The following ZNF667 variants were observed in gnomAD, a reference collection of about 807,000 sequenced individuals.
ZNF667 encodes myocardial ischemic preconditioning upregulated 1 ortholog.
A neutral mutation model predicts 31.8 loss-of-function variants in ZNF667; 13 were observed. The observed-to-expected ratio is 0.41, with a 90% CI of 0.27 to 0.65. The LOEUF (loss-of-function observed/expected upper bound fraction) is 0.65, where lower values mean the gene tolerates loss of function less well. Among genes scored for constraint, ZNF667 ranks in the 30% least tolerant of loss-of-function variants. The pLI is 0.32. For missense variants in ZNF667, 642 were observed against 725.6 expected, an observed-to-expected ratio of 0.88 and a Z score of 1.32; for synonymous variants, 228 against 247.1, an observed-to-expected ratio of 0.92 and a Z score of 0.73.
rs940807111 is a variant in ZNF667 at position 56,460,345 on chromosome 19, C to T, written c.160+344G>A. The stretch of plus-strand genomic sequence containing the variant: ...TTTCATATGTATGAAAGGCCCAGAG[C>T]AGGCACAACCAGAGAGATAGAAAGT... On this transcript the variant is annotated intron_variant, in intron 5 of 6. Transcript: ENST00000504904. Among the ~76,000 whole-genome samples the T allele has an allele frequency of 2.0e-5, 3 of 152,146 alleles. No individual in the cohort carries two copies. The South Asian group carries it at 6.2e-4, about 32-fold the overall frequency.
intron 3 of ZNF667, among the ~76,000 whole-genome samples, chr19:56,471,445 C>T (rs978166801): frequency 1.3e-5 from 2 of 152,174 alleles, no homozygotes; most frequent in Non-Finnish European, 2.9e-5. Flanking sequence ...CCAGCTCCAG[C>T]ACACCACTGC....
chr19:56,469,392 T>C (rs924089948), intron 3 of ZNF667, among the ~76,000 whole-genome samples: 2 of 152,220 alleles, frequency 1.3e-5, no homozygotes, highest in Non-Finnish European at 2.9e-5. Context: ...CAAGTGTTCC[T>C]ATCAGCTGTG....
At chr19:56,451,336 C>G (rs1600414780) in intron 6 of ZNF667, among the ~76,000 whole-genome samples, 2 of 151,988 alleles carry the variant, frequency 1.3e-5, no homozygotes, top group East Asian at 3.9e-4. Flanking sequence ...CAAATATTTT[C>G]AGAGCTAAAG....
chr19:56,469,482 T>G (rs1010322513), intron 3 of ZNF667, among the ~76,000 whole-genome samples: 1 of 152,184 alleles, frequency 6.6e-6, no homozygotes, highest in African/African-American at 2.4e-5. Flanking sequence ...AACCTACTTC[T>G]GGAGGGAGTT....
chr19:56,443,571 TA>T (rs1225687072), intron 6 of ZNF667, among the ~76,000 whole-genome samples: 3 of 152,198 alleles, frequency 2.0e-5, no homozygotes, highest in African/African-American at 7.2e-5. Flanking sequence ...TTTATGTATC[TA>T]AATATACATA....
chr19:56,450,304 G>T (rs1025947465), intron 6 of ZNF667, among the ~76,000 whole-genome samples: 2 of 152,096 alleles, frequency 1.3e-5, no homozygotes, highest in Non-Finnish European at 2.9e-5. Flanking sequence ...CCAGGAGAGA[G>T]AATTATGATA....
Position 56,462,357 on chromosome 19 carries a change from C to A in ZNF667, c.14G>T (p.Arg5Leu). Residue 5 changes from arginine (R) to leucine (L), a missense_variant, in exon 4 of 7, where the codon CGG becomes CTG. By Grantham distance (102) the Arg-to-Leu change is moderately radical. Transcript: ENST00000504904. MPSA[R>L]GKSKSKAPIT... ...ACTTACCTTGGATTTGGATTTCCCC[C>A]GTGCAGAAGGCATCCTTTCCTCCCC... 6.2e-7 allele frequency: 1 copy of A among 1,614,204 alleles called. No homozygotes were observed. The highest frequency in any genetic ancestry group is 8.5e-7 in the Non-Finnish European group (1 of 1,180,042).
Position 56,472,099 on chromosome 19 carries a change from CTG to C in ZNF667, c.-462_-461del, listed in dbSNP as rs1461214972. On this transcript the variant is annotated 5_prime_UTR_variant, in exon 3 of 7. It removes the in-frame stop codon of an upstream open reading frame in the 5' UTR. Coordinates refer to ENST00000504904, the MANE Select transcript of ZNF667 (RefSeq NM_001321356.2). ...GTGAGGCCTCCCCAGCCACGTAGAACTGTGAGTCTGGGTATGTCTTTATCAGC... is the reference window on the plus strand; with the variant it reads ...GTGAGGCCTCCCCAGCCACGTAGAACTGAGTCTGGGTATGTCTTTATCAGC... The C allele has an allele frequency of 6.6e-6, 1 of 152,334 alleles. No homozygotes were observed. The highest frequency in any genetic ancestry group is 1.5e-5 in the Non-Finnish European group (1 of 68,138). The allele number at this position is 152,334 out of a possible 1,614,324, so 9.4% of individuals were successfully genotyped here.
intron 4 of ZNF667, among the ~76,000 whole-genome samples, chr19:56,462,028 C>T (rs1342351272): frequency 6.6e-6 from 1 of 152,268 alleles, no homozygotes; most frequent in Non-Finnish European, 1.5e-5. Flanking sequence ...CAGTGGCTCT[C>T]ATCTTCCTCC....
intron 3 of ZNF667, 138 bp from the exon 4 acceptor site, chr19:56,462,567 C>T: frequency 4.7e-6 from 3 of 634,068 alleles, no homozygotes; most frequent in Non-Finnish European, 8.5e-6. Flanking sequence ...ACACCTGGCG[C>T]ATTCCTGTCC....
chr19:56,441,281 G>A lies in ZNF667; in HGVS notation c.1714C>T (p.Arg572Ter), dbSNP rs201830540. 30 of 1,613,750 alleles carry A rather than the reference G, an allele frequency of 1.9e-5. No homozygotes were observed. The highest frequency in any genetic ancestry group is 5.0e-5 in the Admixed American group (3 of 59,996). ...TCTGAAGAATGACTTCTCTGATGTC[G>A]AATAAGGTCTGAGCCACTGCTAAAT... ...KAFSSGSDLI[R>*]HQRSHSSEKP... is the part of the protein sequence containing the mutation. The change falls in exon 7 of 7, where the codon CGA becomes TGA. Residue 572 changes from arginine (R) to a stop codon, truncating the protein, a stop_gained. Coordinates refer to ENST00000504904, the MANE Select transcript of ZNF667 (RefSeq NM_001321356.2). LOFTEE classifies it high-confidence loss of function. The surrounding 1 kb of genome is among the most constrained non-coding windows in gnomAD (Gnocchi z 4.2).
chr19:56,472,652 T>A (rs997338415), intron 2 of ZNF667: 1 of 152,220 alleles, frequency 6.6e-6, no homozygotes, highest in African/African-American at 2.4e-5. Context: ...ATTTTCCTTA[T>A]GATTTTCTTA....
At chr19:56,462,194 C>A in intron 4 of ZNF667, 144 bp downstream of exon 4, 1 of 1,030,242 alleles carries the variant, frequency 9.7e-7, no homozygotes, top group Non-Finnish European at 1.5e-6. Context: ...AGGTTCTCAT[C>A]CCTCATGGCA....
chr19:56,461,506 C>T (rs888225482), intron 4 of ZNF667, among the ~76,000 whole-genome samples: 2 of 152,128 alleles, frequency 1.3e-5, no homozygotes, highest in African/African-American at 2.4e-5. Context: ...ACCTGAGCCC[C>T]AAATGAGAAC....
intron 3 of ZNF667, among the ~76,000 whole-genome samples, chr19:56,469,664 C>T (rs1439797704): frequency 2.0e-5 from 3 of 152,162 alleles, no homozygotes; most frequent in African/African-American, 7.2e-5. Flanking sequence ...AAGCTGCCCC[C>T]CACCACCCTT....
intron 3 of ZNF667, among the ~76,000 whole-genome samples, chr19:56,464,146 T>G (rs150976244): frequency 6.6e-6 from 1 of 152,374 alleles, no homozygotes; most frequent in African/African-American, 2.4e-5. Context: ...AAAAAATAAC[T>G]ATTTCATTGA....
chr19:56,462,365 A>C lies in ZNF667; in HGVS notation c.6T>G (p.Pro2=), dbSNP rs1280032885. 6.2e-7 allele frequency: 1 copy of C among 1,614,098 alleles called. No individual in the cohort carries two copies. Among genetic ancestry groups the C allele is most frequent in the Non-Finnish European group, 8.5e-7 (1 of 1,180,040 alleles). The change falls in exon 4 of 7, where the codon CCT becomes CCG. Residue 2 remains proline (P), a synonymous_variant. Coordinates refer to ENST00000504904, the MANE Select transcript of ZNF667 (RefSeq NM_001321356.2). ...TGGATTTGGATTTCCCCCGTGCAGA[A>C]GGCATCCTTTCCTCCCCCTTTAGGG... M[P]SARGKSKSKA... is the part of the protein sequence containing the mutation.
At chr19:56,461,930 C>G (rs888742818) in intron 4 of ZNF667, among the ~76,000 whole-genome samples, 4 of 152,140 alleles carry the variant, frequency 2.6e-5, no homozygotes, top group African/African-American at 9.7e-5. Context: ...TACAAAACCA[C>G]ACAACAAGAC....
chr19:56,477,564 T>G (rs984452830), upstream of ZNF667: 11 of 152,716 alleles, frequency 7.2e-5, no homozygotes, highest in African/African-American at 1.9e-4. Context: ...GTCCCGCGCC[T>G]GCGCACACCC....
Sources: gnomAD v4.1 joint callset for allele counts (sites outside exome capture counted in the v4.1 genomes callset) on GRCh38, gnomAD v4.1.1 for gene constraint, Gnocchi (gnomAD v3.1) non-coding constraint, MANE v1.5 for transcripts, NCBI Gene and HGNC (gene_info 2026-07-23, HGNC 2026-07-21) for gene names.